The following NRCAM variants were observed in gnomAD, a reference collection of about 807,000 sequenced individuals.
The protein encoded by NRCAM is neuronal cell adhesion molecule.
A neutral mutation model predicts 156.5 loss-of-function variants in NRCAM; 83 were observed. The observed-to-expected ratio is 0.53, with a 90% CI of 0.44 to 0.64. NRCAM has a LOEUF of 0.64. Among genes scored for constraint, NRCAM ranks in the 30% least tolerant of loss-of-function variants. NRCAM has a pLI of 0.00. For synonymous variants in NRCAM, 538 were observed against 563.9 expected, an observed-to-expected ratio of 0.95 and a Z score of 0.65; for missense variants, 1,417 against 1,597.3, an observed-to-expected ratio of 0.89 and a Z score of 1.92.
In NRCAM at chr7:108,344,703, A is replaced by G. The variant is rs190653548; in HGVS notation, c.-173-31972T>C. ...TTCCCTAAGTATTTATTAAATGACT[A>G]TTACATGAAATGTACCATTTTAGGA... On this transcript the variant is annotated intron_variant, in intron 2 of 32. Transcript: ENST00000379028. Among the ~76,000 whole-genome samples, 881 of 152,344 alleles carry G rather than the reference A, an allele frequency of 5.8e-3. 9 individuals carry two copies. Among genetic ancestry groups the G allele is most frequent in the African/African-American group, 0.02 (839 of 41,588 alleles).
At chr7:108,155,099 T>C (rs868094199) in intron 32 of NRCAM, among the ~76,000 whole-genome samples, 113 of 89,980 alleles carry the variant, frequency 1.3e-3, no homozygotes, top group African/African-American at 6.1e-3. Flanking sequence ...TATATATATA[T>C]ATACACACAC....
chr7:108,284,270 C>G (rs1312155827), intron 3 of NRCAM, among the ~76,000 whole-genome samples: 1 of 152,194 alleles, frequency 6.6e-6, no homozygotes, highest in African/African-American at 2.4e-5. Flanking sequence ...GTCATCCACA[C>G]TCCTGTCTCC....
intron 2 of NRCAM, among the ~76,000 whole-genome samples, chr7:108,347,007 C>T (rs1043072498): frequency 6.9e-6 from 1 of 144,318 alleles, no homozygotes; most frequent in East Asian, 2.0e-4. Flanking sequence ...TTTAAAATTA[C>T]ATATGTGACT....
intron 2 of NRCAM, among the ~76,000 whole-genome samples, chr7:108,315,415 G>A (rs149184883): frequency 1.1e-4 from 16 of 152,240 alleles, no homozygotes; most frequent in African/African-American, 3.4e-4. Context: ...TCATCCAGCC[G>A]CTAATTCAGC....
intron 3 of NRCAM, among the ~76,000 whole-genome samples, chr7:108,265,220 G>A (rs1339200806): frequency 6.6e-6 from 1 of 152,204 alleles, no homozygotes; most frequent in East Asian, 1.9e-4. Context: ...TAGGGACCTG[G>A]TGCTTTGCAG....
chr7:108,193,885 A>G, intron 17 of NRCAM, 139 bp downstream of exon 17: 1 of 774,210 alleles, frequency 1.3e-6, no homozygotes. Flanking sequence ...GTAGGGAGAA[A>G]ATGCTTATCT....
intron 1 of NRCAM, among the ~76,000 whole-genome samples, chr7:108,443,368 T>C (rs1204696883): frequency 7.9e-5 from 12 of 152,220 alleles, no homozygotes; most frequent in Admixed American, 6.5e-4. Context: ...GTTCACAGTA[T>C]ATTCAAATTA....
intron 2 of NRCAM, among the ~76,000 whole-genome samples, chr7:108,326,780 T>C (rs1324574659): frequency 6.6e-6 from 1 of 152,218 alleles, no homozygotes; most frequent in Non-Finnish European, 1.5e-5. Flanking sequence ...GAAAGTGCCC[T>C]AGATTCCTAT....
At chr7:108,299,281 C>T (rs1404739898) in intron 3 of NRCAM, among the ~76,000 whole-genome samples, 1 of 151,586 alleles carries the variant, frequency 6.6e-6, no homozygotes, top group African/African-American at 2.4e-5. Context: ...CTTTGAAATC[C>T]TGTGTGAATA....
intron 14 of NRCAM, among the ~76,000 whole-genome samples, chr7:108,197,305 T>C (rs1245879700): frequency 6.6e-6 from 1 of 152,212 alleles, no homozygotes; most frequent in Non-Finnish European, 1.5e-5. Context: ...AAGTATTGGT[T>C]GGCTTACTGA....
At chr7:108,314,531 G>A (rs963291635) in intron 2 of NRCAM, among the ~76,000 whole-genome samples, 6 of 152,034 alleles carry the variant, frequency 3.9e-5, no homozygotes, top group East Asian at 1.9e-4. Flanking sequence ...TAACATCCAC[G>A]CGAAAAATGT....
chr7:108,451,204 G>A (rs981184825), intron 1 of NRCAM, among the ~76,000 whole-genome samples: 1 of 148,780 alleles, frequency 6.7e-6, no homozygotes, highest in African/African-American at 2.5e-5. Flanking sequence ...AAGTGACAGG[G>A]CGAGACTCCG....
intron 11 of NRCAM, among the ~76,000 whole-genome samples, chr7:108,219,308 A>G (rs545424081): frequency 2.0e-5 from 3 of 152,264 alleles, no homozygotes; most frequent in African/African-American, 4.8e-5. Context: ...TCCTTTTGAC[A>G]CTATTCCACC....
chr7:108,159,149 T>C (rs2047288078), intron 32 of NRCAM: 1 of 452,108 alleles, frequency 2.2e-6, no homozygotes, highest in Non-Finnish European at 4.1e-6. Flanking sequence ...GGTTCTTTTT[T>C]GTTGTTTTAA....
intron 2 of NRCAM, among the ~76,000 whole-genome samples, chr7:108,352,557 T>C (rs569635332): frequency 1.3e-5 from 2 of 152,328 alleles, no homozygotes; most frequent in East Asian, 3.9e-4. Context: ...AGGAAAAAGA[T>C]TTTTTCAAAT....
At chr7:108,436,464 C>G (rs1013026323) in intron 1 of NRCAM, among the ~76,000 whole-genome samples, 9 of 152,176 alleles carry the variant, frequency 5.9e-5, no homozygotes, top group African/African-American at 2.2e-4. Context: ...AAAGTATTTA[C>G]AGATAAAGTG....
intron 1 of NRCAM, among the ~76,000 whole-genome samples, chr7:108,429,014 A>G (rs1463914996): frequency 6.6e-6 from 1 of 152,144 alleles, no homozygotes; most frequent in Non-Finnish European, 1.5e-5. Flanking sequence ...ATAAAGAGGA[A>G]ACTCAGTAAT....
chr7:108,436,967 C>A (rs1002348461), intron 1 of NRCAM, among the ~76,000 whole-genome samples: 1 of 152,158 alleles, frequency 6.6e-6, no homozygotes, highest in African/African-American at 2.4e-5. Context: ...TCCGCATTCC[C>A]ATGTTTATTG....
intron 3 of NRCAM, among the ~76,000 whole-genome samples, chr7:108,294,870 G>T (rs979935368): frequency 2.0e-5 from 3 of 152,102 alleles, no homozygotes; most frequent in African/African-American, 7.2e-5. Flanking sequence ...GTGCCAAGTT[G>T]TCTGCCCCAT....
Sources: allele counts gnomAD v4.1 joint callset (sites outside exome capture counted in the v4.1 genomes callset), GRCh38; gene constraint gnomAD v4.1.1; transcripts MANE v1.5; gene names NCBI Gene and HGNC (gene_info 2026-07-23, HGNC 2026-07-21).